The following CTNNA3 variants were observed in gnomAD, a reference collection of about 807,000 sequenced individuals.
CTNNA3 encodes the protein catenin alpha 3, also known as catenin alpha-3.
A neutral mutation model predicts 95.7 loss-of-function variants in CTNNA3; 76 were observed. That is an observed-to-expected ratio of 0.79 (90% confidence interval 0.66 to 0.96). CTNNA3 has a LOEUF of 0.96. Ranked by LOEUF, CTNNA3 falls within the 40% of genes least tolerant of loss-of-function variation. The pLI is 0.00. For missense variants in CTNNA3, 1,191 were observed against 1,089.8 expected (o/e 1.09, Z -1.31); for synonymous variants, 431 against 374.4 (o/e 1.15, Z -1.74).
intron 10 of CTNNA3, among the ~76,000 whole-genome samples, chr10:66,600,372 G>T (rs565134916): frequency 3.3e-5 from 5 of 151,766 alleles, no homozygotes; most frequent in East Asian, 1.9e-4. Flanking sequence ...ACTCATGTGC[G>T]TGTTCAAGGG....
chr10:65,995,409 T>C (rs1164050360), intron 15 of CTNNA3, among the ~76,000 whole-genome samples: 1 of 152,200 alleles, frequency 6.6e-6, no homozygotes, highest in East Asian at 1.9e-4. Flanking sequence ...GATTTATTTG[T>C]CTATAAATAG....
At chr10:67,218,189 A>G (rs1329808282) in intron 6 of CTNNA3, among the ~76,000 whole-genome samples, 2 of 152,128 alleles carry the variant, frequency 1.3e-5, no homozygotes, top group Non-Finnish European at 2.9e-5. Flanking sequence ...CTATCTATCT[A>G]CTCTAACAAA....
intron 16 of CTNNA3, among the ~76,000 whole-genome samples, chr10:65,985,553 C>T (rs2078410271): frequency 6.6e-6 from 1 of 151,290 alleles, no homozygotes. Flanking sequence ...TTAGTATTAT[C>T]TTTAGTATTC....
chr10:65,969,951 G>A (rs995799711), intron 16 of CTNNA3, among the ~76,000 whole-genome samples: 1 of 151,954 alleles, frequency 6.6e-6, no homozygotes, highest in African/African-American at 2.4e-5. Context: ...AAAAAGGAAC[G>A]TCACCAAGGC....
intron 7 of CTNNA3, among the ~76,000 whole-genome samples, chr10:67,142,739 T>C (rs111722753): frequency 5.3e-5 from 8 of 151,998 alleles, no homozygotes; most frequent in Non-Finnish European, 4.4e-5. Flanking sequence ...CAAGACCATC[T>C]TGGCCAACAC....
intron 7 of CTNNA3, among the ~76,000 whole-genome samples, chr10:67,068,098 A>AAGACAAAT (rs1856202480): frequency 6.6e-6 from 1 of 152,232 alleles, no homozygotes; most frequent in Admixed American, 6.5e-5. Context: ...ATCAAATTAG[A>AAGACAAAT]AGACAAATCT....
At chr10:66,209,410 AG>A (rs1357613969) in intron 13 of CTNNA3, among the ~76,000 whole-genome samples, 2 of 152,196 alleles carry the variant, frequency 1.3e-5, no homozygotes, top group Non-Finnish European at 2.9e-5. Context: ...AATTTTAAAT[AG>A]GGAACCTAAG....
chr10:67,244,085 A>G (rs768667832), intron 5 of CTNNA3, among the ~76,000 whole-genome samples: 3 of 152,248 alleles, frequency 2.0e-5, no homozygotes, highest in Non-Finnish European at 4.4e-5. Context: ...GCACTTTTGT[A>G]AAAGGAAATC....
At chr10:67,368,585 G>GT (rs1843300009) in intron 5 of CTNNA3, among the ~76,000 whole-genome samples, 1 of 152,106 alleles carries the variant, frequency 6.6e-6, no homozygotes, top group African/African-American at 2.4e-5. Context: ...AGTTGTACTC[G>GT]TAATAGCCTA....
chr10:67,569,729 T>C (rs929103614), intron 3 of CTNNA3, among the ~76,000 whole-genome samples: 1 of 152,164 alleles, frequency 6.6e-6, no homozygotes, highest in African/African-American at 2.4e-5. Flanking sequence ...CATTAAGCTA[T>C]TGCAGTTGCT....
chr10:66,596,281 A>G (rs1419049360), intron 10 of CTNNA3, among the ~76,000 whole-genome samples: 1 of 152,064 alleles, frequency 6.6e-6, no homozygotes, highest in African/African-American at 2.4e-5. Flanking sequence ...GGACTCCCCC[A>G]GCTAACTGAT....
At chr10:67,618,814 G>T (rs1843738902) in intron 2 of CTNNA3, among the ~76,000 whole-genome samples, 1 of 152,148 alleles carries the variant, frequency 6.6e-6, no homozygotes, top group South Asian at 2.1e-4. Flanking sequence ...CACCTCATTT[G>T]TCAGAACTCT....
intron 12 of CTNNA3, among the ~76,000 whole-genome samples, chr10:66,358,496 A>C (rs2132414849): frequency 6.6e-6 from 1 of 152,270 alleles, no homozygotes; most frequent in Admixed American, 6.5e-5. Flanking sequence ...ACATCAGTGG[A>C]AGAGTTAGGG....
At chr10:66,153,486 T>A (rs1353247598) in intron 13 of CTNNA3, among the ~76,000 whole-genome samples, 1 of 151,950 alleles carries the variant, frequency 6.6e-6, no homozygotes, top group Non-Finnish European at 1.5e-5. Flanking sequence ...AGCCAAAATC[T>A]CAGTGTTGTT....
intron 12 of CTNNA3, among the ~76,000 whole-genome samples, chr10:66,281,028 A>G (rs2091482430): frequency 1.3e-5 from 2 of 152,010 alleles, no homozygotes; most frequent in Admixed American, 6.6e-5. Context: ...TTGTAAACAC[A>G]AAGATATTTA....
chr10:66,177,260 A>G (rs1229684419), intron 13 of CTNNA3, among the ~76,000 whole-genome samples: 3 of 152,112 alleles, frequency 2.0e-5, no homozygotes, highest in African/African-American at 7.2e-5. Flanking sequence ...AAAGAAATCA[A>G]TATAAAATTT....
intron 3 of CTNNA3, among the ~76,000 whole-genome samples, chr10:67,579,369 C>A (rs1052300431): frequency 6.6e-6 from 1 of 152,092 alleles, no homozygotes; most frequent in African/African-American, 2.4e-5. Flanking sequence ...CATGTCCCTA[C>A]AAAGGACATC....
At chr10:66,743,010 T>C (rs955045132) in intron 9 of CTNNA3, among the ~76,000 whole-genome samples, 2 of 152,206 alleles carry the variant, frequency 1.3e-5, no homozygotes, top group African/African-American at 4.8e-5. Flanking sequence ...CTCTAACTTA[T>C]TTTCATTGAT....
At chr10:66,736,072 C>A (rs1849126863) in intron 9 of CTNNA3, among the ~76,000 whole-genome samples, 1 of 152,222 alleles carries the variant, frequency 6.6e-6, no homozygotes. Flanking sequence ...TGCAGTTGAG[C>A]CACAGCGCCC....
Sources: gnomAD v4.1 joint callset for allele counts (sites outside exome capture counted in the v4.1 genomes callset) on GRCh38, gnomAD v4.1.1 for gene constraint, MANE v1.5 for transcripts, NCBI Gene and HGNC (gene_info 2026-07-23, HGNC 2026-07-21) for gene names.